KCNIP4: variants seen among roughly 807,000 people sequenced by gnomAD.
KCNIP4 encodes Kv channel-interacting protein 4.
KCNIP4 carries 12 observed loss-of-function variants against 34.0 expected under a neutral mutation model. The observed-to-expected ratio is 0.35, with a 90% CI of 0.23 to 0.57. KCNIP4 has a LOEUF of 0.57. KCNIP4 is among the 20% of genes least tolerant of loss of function. The pLI is 0.83. For missense variants in KCNIP4, 238 were observed against 311.7 expected (o/e 0.76, Z 1.78); for synonymous variants, 124 against 102.2 (o/e 1.21, Z -1.29).
rs188495991 is a variant in KCNIP4 at position 21,730,409 on chromosome 4, G to C, written c.61+218162C>G. On this transcript the variant is annotated intron_variant, in intron 1 of 8. Coordinates refer to ENST00000382152, the MANE Select transcript of KCNIP4 (RefSeq NM_025221.6). ...GTGTTTCACTCTAAGTCCATGTATA[G>C]CCCAGTGTTGGTGCACACTCAGGAC... Among the ~76,000 whole-genome samples, 421 of 152,230 alleles carry C rather than the reference G, an allele frequency of 2.8e-3. 5 individuals carry two copies. The highest frequency in any genetic ancestry group is 9.7e-3 in the African/African-American group (402 of 41,550).
intron 1 of KCNIP4, among the ~76,000 whole-genome samples, chr4:21,714,899 AT>A (rs1458753865): frequency 0.048 from 15 of 314 alleles, 1 homozygote; most frequent in African/African-American, 0.071. Context: ...ATTTTATTTT[AT>A]TTTATTTTAT....
At chr4:21,105,187 A>T (rs1242077429) in intron 1 of KCNIP4, among the ~76,000 whole-genome samples, 1 of 151,620 alleles carries the variant, frequency 6.6e-6, no homozygotes, top group Admixed American at 6.5e-5. Context: ...TACCTTGGGC[A>T]GTATGGCCAT....
At chr4:21,142,821 G>T (rs6448031) in intron 1 of KCNIP4, among the ~76,000 whole-genome samples, 98,887 of 152,044 alleles carry the variant, frequency 0.65, 32,633 homozygotes, top group African/African-American at 0.75. Flanking sequence ...CTGCAAATAT[G>T]ATGCATGGCA....
chr4:21,747,891 C>T (rs753236997), intron 1 of KCNIP4, among the ~76,000 whole-genome samples: 44 of 148,402 alleles, frequency 3.0e-4, no homozygotes, highest in Non-Finnish European at 5.3e-4. Flanking sequence ...AGTGTTTTTA[C>T]AAGACGCAAA....
chr4:20,804,316 A>G (rs1714787274), intron 3 of KCNIP4, among the ~76,000 whole-genome samples: 1 of 152,156 alleles, frequency 6.6e-6, no homozygotes, highest in South Asian at 2.1e-4. Flanking sequence ...TTCTCCTTAT[A>G]ATGTTCTTTT....
chr4:20,779,226 G>C (rs201705965), intron 3 of KCNIP4, among the ~76,000 whole-genome samples: 1 of 152,050 alleles, frequency 6.6e-6, no homozygotes. Context: ...CCTCTGTCCC[G>C]TGAGAAAATG....
intron 1 of KCNIP4, among the ~76,000 whole-genome samples, chr4:21,618,126 T>C (rs1244674646): frequency 3.3e-5 from 5 of 152,328 alleles, no homozygotes; most frequent in African/African-American, 1.2e-4. Flanking sequence ...GGAATATATT[T>C]GTTTTACATT....
intron 1 of KCNIP4, among the ~76,000 whole-genome samples, chr4:21,796,256 A>G (rs1029735568): frequency 1.3e-5 from 2 of 151,948 alleles, no homozygotes; most frequent in Middle Eastern, 3.2e-3. Context: ...CTCTTTCTCA[A>G]TTATCTATAG....
rs375133096 is a variant in KCNIP4, at chr4:21,433,640, A to T, written c.61+514931T>A. On this transcript the variant is annotated intron_variant, in intron 1 of 8. Coordinates refer to ENST00000382152, the MANE Select transcript of KCNIP4 (RefSeq NM_025221.6). ...TTGTGGCTATAGCTGACTGATACAC[A>T]TACTCCTAGGTGTCAGTAATTGGTA... Among the ~76,000 whole-genome samples the T allele has an allele frequency of 2.2e-4, 33 of 152,262 alleles. 2 individuals carry two copies. In the South Asian group the frequency reaches 6.8e-3, roughly 32 times the overall value.
At chr4:21,291,057 G>GTA (rs1374549183) in intron 1 of KCNIP4, among the ~76,000 whole-genome samples, 2 of 152,062 alleles carry the variant, frequency 1.3e-5, no homozygotes, top group East Asian at 3.9e-4. Flanking sequence ...TTGTAGTCAG[G>GTA]GTGTTTTCCT....
At chr4:21,592,795 G>A (rs1742319023) in intron 1 of KCNIP4, among the ~76,000 whole-genome samples, 2 of 152,088 alleles carry the variant, frequency 1.3e-5, no homozygotes, top group African/African-American at 4.8e-5. Flanking sequence ...AGGTGTCATA[G>A]AGGAAAGTCA....
chr4:20,979,481 C>T (rs549204247), intron 1 of KCNIP4, among the ~76,000 whole-genome samples: 54 of 150,926 alleles, frequency 3.6e-4, no homozygotes, highest in African/African-American at 1.2e-3. Flanking sequence ...TCACTGCAAG[C>T]TCCGCCTCCC....
chr4:21,472,301 C>T (rs925319182), intron 1 of KCNIP4, among the ~76,000 whole-genome samples: 3 of 151,878 alleles, frequency 2.0e-5, no homozygotes, highest in Middle Eastern at 3.2e-3. Context: ...ACCCCGAGAT[C>T]GTAGGAGATG....
At chr4:20,872,960 G>A (rs955474572) in intron 2 of KCNIP4, among the ~76,000 whole-genome samples, 2 of 152,112 alleles carry the variant, frequency 1.3e-5, no homozygotes, top group African/African-American at 4.8e-5. Context: ...TGACCTTCAT[G>A]GCCTTCCCTC....
chr4:21,700,945 C>T (rs1560643534), intron 1 of KCNIP4, among the ~76,000 whole-genome samples: 1 of 152,144 alleles, frequency 6.6e-6, no homozygotes, highest in African/African-American at 2.4e-5. Context: ...AAAAAGATAT[C>T]TGCATTTCCA....
chr4:21,094,606 G>A (rs1321599708), intron 1 of KCNIP4, among the ~76,000 whole-genome samples: 1 of 152,094 alleles, frequency 6.6e-6, no homozygotes, highest in South Asian at 2.1e-4. Flanking sequence ...CTTGTGGGAG[G>A]GGGTCTCACA....
intron 1 of KCNIP4, among the ~76,000 whole-genome samples, chr4:21,660,875 G>A (rs889272685): frequency 6.6e-6 from 1 of 152,088 alleles, no homozygotes; most frequent in Non-Finnish European, 1.5e-5. Flanking sequence ...GGAAATACTG[G>A]TTAGAAAAGG....
intron 1 of KCNIP4, among the ~76,000 whole-genome samples, chr4:21,771,600 G>T (rs1009633316): frequency 6.6e-6 from 1 of 152,062 alleles, no homozygotes; most frequent in Non-Finnish European, 1.5e-5. Context: ...CCATTTGTTT[G>T]TGTCCTCCCT....
intron 1 of KCNIP4, among the ~76,000 whole-genome samples, chr4:21,066,184 A>T (rs535298689): frequency 6.6e-6 from 1 of 152,150 alleles, no homozygotes; most frequent in Admixed American, 6.6e-5. Flanking sequence ...TATTGTGGGC[A>T]GCTCTGATGG....
Sources: allele counts gnomAD v4.1 joint callset (sites outside exome capture counted in the v4.1 genomes callset), GRCh38; gene constraint gnomAD v4.1.1; transcripts MANE v1.5; gene names NCBI Gene and HGNC (gene_info 2026-07-23, HGNC 2026-07-21).